The following METTL15 variants were observed in gnomAD, a reference collection of about 807,000 sequenced individuals.
The protein encoded by METTL15 is 12S rRNA N(4)-cytidine methyltransferase METTL15.
METTL15 carries 34 observed loss-of-function variants against 38.3 expected under a neutral mutation model. That is an observed-to-expected ratio of 0.89 (90% CI 0.68 to 1.18). The LOEUF is 1.18. METTL15 is among the 50% of genes most tolerant of loss of function. The pLI is 0.00. For synonymous variants in METTL15, 162 were observed against 170.9 expected (o/e 0.95, Z 0.41); for missense variants, 438 against 498.4 (o/e 0.88, Z 1.15).
downstream of METTL15, among the ~76,000 whole-genome samples, chr11:28,532,019 T>C (rs1001512220): frequency 6.6e-6 from 1 of 152,040 alleles, no homozygotes; most frequent in Non-Finnish European, 1.5e-5. Context: ...TGAAGCTCTT[T>C]TAGAAAAACG....
chr11:28,214,421 AC>A (rs1392605346), intron 4 of METTL15, among the ~76,000 whole-genome samples: 1 of 152,208 alleles, frequency 6.6e-6, no homozygotes, highest in Non-Finnish European at 1.5e-5. Context: ...AAAAGGAAAT[AC>A]TAGTATATCT....
intron 4 of METTL15, among the ~76,000 whole-genome samples, chr11:28,258,266 G>A (rs1427116281): frequency 2.6e-5 from 4 of 152,176 alleles, no homozygotes; most frequent in African/African-American, 9.7e-5. Flanking sequence ...ACCTGGAGCT[G>A]AGGTTGGTGT....
At chr11:28,186,647 T>G (rs1431057381) in intron 3 of METTL15, among the ~76,000 whole-genome samples, 1 of 151,146 alleles carries the variant, frequency 6.6e-6, no homozygotes, top group Admixed American at 6.6e-5. Context: ...GAGAAGGAAG[T>G]TTTAAAAACT....
chr11:28,112,710 T>C (rs971488728), intron 2 of METTL15, among the ~76,000 whole-genome samples: 4 of 152,164 alleles, frequency 2.6e-5, no homozygotes, highest in Non-Finnish European at 4.4e-5. Context: ...TAAACTGATA[T>C]ACACTCCACT....
intron 6 of METTL15, among the ~76,000 whole-genome samples, chr11:28,326,365 C>T (rs1849634870): frequency 6.6e-6 from 1 of 151,930 alleles, no homozygotes; most frequent in Non-Finnish European, 1.5e-5. Flanking sequence ...CCTAAGATAA[C>T]TCTGTTCCTT....
At chr11:28,292,603 T>A (rs1856562366) in intron 5 of METTL15, among the ~76,000 whole-genome samples, 1 of 152,170 alleles carries the variant, frequency 6.6e-6, no homozygotes, top group South Asian at 2.1e-4. Context: ...CAAATGGTAT[T>A]TGTAGTTCTA....
intron 4 of METTL15, among the ~76,000 whole-genome samples, chr11:28,282,217 C>G (rs1346595112): frequency 6.6e-6 from 1 of 152,268 alleles, no homozygotes; most frequent in East Asian, 1.9e-4. Flanking sequence ...GTGCCACAGA[C>G]TCCTATTTGG....
At chr11:28,269,263 G>A (rs970952710) in intron 4 of METTL15, among the ~76,000 whole-genome samples, 9 of 151,922 alleles carry the variant, frequency 5.9e-5, no homozygotes, top group African/African-American at 2.2e-4. Context: ...TTTTATGACT[G>A]ATTTTGACCA....
chr11:28,368,741 T>C (rs1015341065), intron 5 of METTL15, among the ~76,000 whole-genome samples: 4 of 152,100 alleles, frequency 2.6e-5, no homozygotes. Context: ...TAGCAAAGAC[T>C]TGGAACCAAC....
intron 6 of METTL15, among the ~76,000 whole-genome samples, chr11:28,494,197 TTCAGGGGCAC>T (rs1223314202): frequency 2.0e-5 from 3 of 152,156 alleles, no homozygotes; most frequent in African/African-American, 7.2e-5. Context: ...ATTGAGATGC[TTCAGGGGCAC>T]CCACAGAGCA....
intron 6 of METTL15, among the ~76,000 whole-genome samples, chr11:28,494,822 G>A (rs10767726): frequency 0.54 from 82,546 of 152,032 alleles, 22,975 homozygotes; most frequent in East Asian, 0.74. Flanking sequence ...TTCAGTGATT[G>A]TGAGGCCTCC....
chr11:28,415,677 A>G (rs985717285), intron 5 of METTL15, among the ~76,000 whole-genome samples: 2 of 152,176 alleles, frequency 1.3e-5, no homozygotes, highest in African/African-American at 2.4e-5. Context: ...AATAGAAGCT[A>G]TAGTTGATAC....
chr11:28,193,105 T>C lies in METTL15; in HGVS notation c.271-17957T>C. On this transcript the variant is annotated intron_variant, in intron 3 of 6. Coordinates refer to ENST00000407364, the MANE Select transcript of METTL15 (RefSeq NM_001113528.2). ...TTCCACTGGATTTTAAGCCATTCTA[T>C]CTCAGGAGAATACAACACTATACTT... is the stretch of plus-strand genomic sequence containing the variant. 1.3e-5 allele frequency among the ~76,000 whole-genome samples: 2 copies of C among 152,132 alleles called. 1 individual carries two copies. The highest frequency in any genetic ancestry group is 3.9e-4 in the East Asian group (2 of 5,194).
At chr11:28,488,010 A>G (rs1851452364) in intron 6 of METTL15, among the ~76,000 whole-genome samples, 1 of 152,190 alleles carries the variant, frequency 6.6e-6, no homozygotes, top group African/African-American at 2.4e-5. Context: ...TAGTGTCTAC[A>G]CTGAGGACAG....
intron 6 of METTL15, among the ~76,000 whole-genome samples, chr11:28,494,368 A>T (rs1019814795): frequency 3.9e-5 from 6 of 152,216 alleles, no homozygotes; most frequent in Admixed American, 3.9e-4. Context: ...CCACTGGACA[A>T]TATACTTTTC....
At chr11:28,530,209 TAAAGAG>T (rs1851836785), downstream of METTL15, among the ~76,000 whole-genome samples, 1 of 152,136 alleles carries the variant, frequency 6.6e-6, no homozygotes, top group Non-Finnish European at 1.5e-5. Flanking sequence ...TTAAAATTCT[TAAAGAG>T]AGAGACAGAG....
downstream of METTL15, among the ~76,000 whole-genome samples, chr11:28,334,055 A>T (rs1239281977): frequency 6.6e-6 from 1 of 151,894 alleles, no homozygotes; most frequent in Non-Finnish European, 1.5e-5. Context: ...AGTATGAGAC[A>T]GTTCTTAATG....
intron 5 of METTL15, among the ~76,000 whole-genome samples, chr11:28,420,330 A>G (rs1243058778): frequency 1.3e-5 from 2 of 152,162 alleles, no homozygotes; most frequent in African/African-American, 4.8e-5. Flanking sequence ...GAAAATCAAC[A>G]AAGAAACATT....
chr11:28,492,040 G>A (rs1851499117), intron 6 of METTL15, among the ~76,000 whole-genome samples: 1 of 152,224 alleles, frequency 6.6e-6, no homozygotes, highest in African/African-American at 2.4e-5. Flanking sequence ...GCACAAGTAA[G>A]CTGTCAGGAA....
Sources: allele counts gnomAD v4.1 joint callset (sites outside exome capture counted in the v4.1 genomes callset), GRCh38; gene constraint gnomAD v4.1.1; transcripts MANE v1.5; gene names NCBI Gene and HGNC (gene_info 2026-07-23, HGNC 2026-07-21).